Variants in VTI1A observed in about 807,000 individuals in gnomAD.
The protein encoded by VTI1A is vesicle transport through interaction with t-SNAREs homolog 1A.
Under a neutral mutation model 34.9 loss-of-function variants are expected in VTI1A, and 22 were observed. The observed-to-expected ratio is 0.63, with a 90% CI of 0.45 to 0.90. The LOEUF is 0.90. Among genes scored for constraint, VTI1A ranks in the 40% least tolerant of loss-of-function variants. VTI1A has a pLI of 0.00. For missense variants in VTI1A, 268 were observed against 275.6 expected (o/e 0.97, Z 0.20); for synonymous variants, 87 against 97.3 (o/e 0.89, Z 0.62).
At chr10:112,612,893 T>G (rs1014741355) in intron 5 of VTI1A, among the ~76,000 whole-genome samples, 3 of 151,502 alleles carry the variant, frequency 2.0e-5, no homozygotes, top group African/African-American at 7.3e-5. Context: ...CCTGCCTGTT[T>G]GGACACCTAG....
chr10:112,505,559 T>C (rs1296937539), intron 3 of VTI1A, among the ~76,000 whole-genome samples: 1 of 152,224 alleles, frequency 6.6e-6, no homozygotes, highest in African/African-American at 2.4e-5. Context: ...TTGTCTTTTT[T>C]TAAAACAGCT....
chr10:112,645,828 ATT>A (rs1183510549), intron 5 of VTI1A, among the ~76,000 whole-genome samples: 2 of 150,870 alleles, frequency 1.3e-5, no homozygotes, highest in African/African-American at 4.9e-5. Flanking sequence ...TTTTTGGTGC[ATT>A]TCTACTTATT....
At chr10:112,760,537 AC>A (rs987600516) in intron 7 of VTI1A, among the ~76,000 whole-genome samples, 2 of 152,202 alleles carry the variant, frequency 1.3e-5, no homozygotes, top group Non-Finnish European at 2.9e-5. Context: ...TGTCTGTGAT[AC>A]TTTTATTACC....
chr10:112,717,489 G>A (rs1325156429), intron 7 of VTI1A, among the ~76,000 whole-genome samples: 1 of 152,114 alleles, frequency 6.6e-6, no homozygotes, highest in Non-Finnish European at 1.5e-5. Flanking sequence ...ATGTAGGGGG[G>A]ACAGGAGCCT....
chr10:112,675,461 A>C (rs568724752), intron 7 of VTI1A, among the ~76,000 whole-genome samples: 1 of 152,210 alleles, frequency 6.6e-6, no homozygotes, highest in East Asian at 1.9e-4. Flanking sequence ...CAATGAACAA[A>C]CCCTACCAGA....
intron 7 of VTI1A, among the ~76,000 whole-genome samples, chr10:112,758,893 C>G (rs1044576865): frequency 6.6e-6 from 1 of 152,264 alleles, no homozygotes; most frequent in East Asian, 1.9e-4. Context: ...CGAAACCAGC[C>G]GGGGCAACAT....
chr10:112,523,819 G>A (rs1313644203), intron 3 of VTI1A, among the ~76,000 whole-genome samples: 2 of 152,106 alleles, frequency 1.3e-5, no homozygotes, highest in African/African-American at 4.8e-5. Flanking sequence ...AATGCATTAT[G>A]AATTGGGTTC....
chr10:112,476,914 A>G (rs935789091), intron 3 of VTI1A, among the ~76,000 whole-genome samples: 2 of 152,164 alleles, frequency 1.3e-5, no homozygotes, highest in African/African-American at 4.8e-5. Flanking sequence ...GACTTAGCAT[A>G]TAGCTTTTAG....
At chr10:112,624,975 A>G (rs746098000) in intron 5 of VTI1A, among the ~76,000 whole-genome samples, 2 of 152,108 alleles carry the variant, frequency 1.3e-5, no homozygotes, top group Admixed American at 6.5e-5. Context: ...GCACACACCT[A>G]TAGTCCTAGC....
rs550777466 is a variant in VTI1A at position 112,691,553 on chromosome 10, G to A, written c.560+22555G>A. On this transcript the variant is annotated intron_variant, in intron 7 of 7. Transcript: ENST00000393077. Reference sequence around the variant, plus strand: ...TACATTTCGAGGCAGAGGAATTGGAGGTGGTTGAGGGCTATGCCTGTATCA... The same window carrying A: ...TACATTTCGAGGCAGAGGAATTGGAAGTGGTTGAGGGCTATGCCTGTATCA... Among the ~76,000 whole-genome samples, 7 of 152,266 alleles carry A rather than the reference G, an allele frequency of 4.6e-5. 1 individual carries two copies. The South Asian group carries it at 1.5e-3, about 32-fold the overall frequency.
the VTI1A span, among the ~76,000 whole-genome samples, chr10:112,835,583 A>G: frequency 1.5e-3 from 228 of 152,320 alleles, 3 homozygotes; most frequent in East Asian, 8.7e-3. Context: ...AATCCTGGGG[A>G]AATGATACTG....
chr10:112,636,415 C>T (rs1177867016), intron 5 of VTI1A, among the ~76,000 whole-genome samples: 1 of 151,986 alleles, frequency 6.6e-6, no homozygotes, highest in African/African-American at 2.4e-5. Context: ...TGGTGAGTAT[C>T]CCATTTTGTC....
chr10:112,616,917 T>C (rs969444011), intron 5 of VTI1A, among the ~76,000 whole-genome samples: 1 of 152,056 alleles, frequency 6.6e-6, no homozygotes, highest in Non-Finnish European at 1.5e-5. Flanking sequence ...ACATGTAGGA[T>C]ACAAAAAGCA....
chr10:112,619,614 T>A (rs765016916), intron 5 of VTI1A, among the ~76,000 whole-genome samples: 1 of 152,186 alleles, frequency 6.6e-6, no homozygotes, highest in Non-Finnish European at 1.5e-5. Context: ...CCATACCTAA[T>A]TTTTGCAGAA....
intron 3 of VTI1A, among the ~76,000 whole-genome samples, chr10:112,508,166 C>T (rs938083033): frequency 2.6e-5 from 4 of 152,196 alleles, no homozygotes; most frequent in South Asian, 2.1e-4. Context: ...TTCTAGGAGG[C>T]GCTTCTGCCA....
At chr10:112,620,765 G>A (rs1444087018) in intron 5 of VTI1A, among the ~76,000 whole-genome samples, 2 of 149,992 alleles carry the variant, frequency 1.3e-5, no homozygotes, top group Non-Finnish European at 3.0e-5. Context: ...ACTCCAGCCT[G>A]GGCAATAAGA....
chr10:112,766,904 A>G (rs1260762055), intron 7 of VTI1A, among the ~76,000 whole-genome samples: 1 of 152,240 alleles, frequency 6.6e-6, no homozygotes, highest in Non-Finnish European at 1.5e-5. Flanking sequence ...TTGAAGCTAT[A>G]AAGGGACAAA....
At chr10:112,790,465 T>C (rs924698407) in intron 7 of VTI1A, among the ~76,000 whole-genome samples, 2 of 152,230 alleles carry the variant, frequency 1.3e-5, no homozygotes, top group African/African-American at 2.4e-5. Context: ...TTGGTTGGCC[T>C]GTTACCCGCC....
intron 7 of VTI1A, among the ~76,000 whole-genome samples, chr10:112,688,958 A>G (rs1449215213): frequency 2.0e-5 from 3 of 152,064 alleles, no homozygotes; most frequent in Admixed American, 2.0e-4. Flanking sequence ...GTTGACATTA[A>G]TTTGGTTTCA....
Sources: allele counts gnomAD v4.1 joint callset (sites outside exome capture counted in the v4.1 genomes callset), GRCh38; gene constraint gnomAD v4.1.1; transcripts MANE v1.5; gene names NCBI Gene and HGNC (gene_info 2026-07-23, HGNC 2026-07-21).